RELCH: variants seen among roughly 807,000 people sequenced by gnomAD.
The protein encoded by RELCH is RAB11 binding and LisH domain, coiled-coil and HEAT repeat containing.
Under a neutral mutation model 150.3 loss-of-function variants are expected in RELCH, and 41 were observed. That is an observed-to-expected ratio of 0.27 (90% CI 0.21 to 0.35). RELCH has a LOEUF of 0.35. RELCH is among the 10% of genes least tolerant of loss of function. The pLI, the probability that RELCH is intolerant of heterozygous loss-of-function variation, is 1.00. For synonymous variants in RELCH, 478 were observed against 531.8 expected, an observed-to-expected ratio of 0.90 and a Z score of 1.39; for missense variants, 1,092 against 1,467.8, an observed-to-expected ratio of 0.74 and a Z score of 4.18.
intron 9 of RELCH, among the ~76,000 whole-genome samples, chr18:62,232,075 CT>C (rs1231723935): frequency 6.6e-6 from 1 of 151,914 alleles, no homozygotes; most frequent in Non-Finnish European, 1.5e-5. Context: ...ATTAGGCCTC[CT>C]TGGCTTCACC....
chr18:62,247,992 AT>A (rs2148515007), intron 11 of RELCH, among the ~76,000 whole-genome samples: 1 of 152,256 alleles, frequency 6.6e-6, no homozygotes, highest in East Asian at 1.9e-4. Flanking sequence ...CAAAATGTAA[AT>A]GTATATGTTC....
In RELCH at chr18:62,309,463, G is replaced by A. The variant is rs2045956584; in HGVS notation, c.*3929G>A. The A allele has an allele frequency of 6.6e-6, 1 of 152,068 alleles. No individual in the cohort carries two copies. Among genetic ancestry groups the A allele is most frequent in the South Asian group, 2.1e-4 (1 of 4,832 alleles). 9.4% of individuals were successfully genotyped at this position (152,068 alleles called of 1,614,324 possible). ...CCAAGTACAGGAAACTGTTTTGATTGTCTTTTTTGTGGTTTACTTTGCATG... is the reference window on the plus strand; with the variant it reads ...CCAAGTACAGGAAACTGTTTTGATTATCTTTTTTGTGGTTTACTTTGCATG... On this transcript the variant is annotated 3_prime_UTR_variant, in exon 29 of 29. Coordinates refer to ENST00000644646, the MANE Select transcript of RELCH (RefSeq NM_001346231.2).
At position 62,275,368 on chromosome 18, in the gene RELCH, T is replaced by C. The variant is rs981398891; in HGVS notation, c.2868-6T>C. 1.1e-5 allele frequency: 16 copies of C among 1,510,454 alleles called. No homozygotes were observed. The highest frequency in any genetic ancestry group is 1.8e-4 in the Middle Eastern group (1 of 5,668). 93.6% of individuals were successfully genotyped at this position (1,510,454 alleles called of 1,614,324 possible). A position where few individuals can be genotyped will look rare whatever the true frequency, so the allele number is the denominator to read the frequency against. On this transcript the variant is annotated splice_polypyrimidine_tract_variant and splice_region_variant and intron_variant, in intron 21 of 28. Transcript: ENST00000644646. ...TTTTAACACTGTTTTTTTTTTTTTC[T>C]TCTAGTGCAAACCCAGCCTACCATG...
chr18:62,250,633 TTGTGG>T (rs1470583172), intron 11 of RELCH, among the ~76,000 whole-genome samples: 3 of 152,126 alleles, frequency 2.0e-5, no homozygotes, highest in Non-Finnish European at 2.9e-5. Flanking sequence ...ACTACAAGGA[TTGTGG>T]TGAATTAGAA....
At position 62,217,254 on chromosome 18, in the gene RELCH, AAG is replaced by A. The variant is rs375838165; in HGVS notation, c.617-3780_617-3779del. On this transcript the variant is annotated intron_variant, in intron 2 of 28. Coordinates refer to ENST00000644646, the MANE Select transcript of RELCH (RefSeq NM_001346231.2). ...AAAAACAAAAGTGGGAAAAAAGAAA[AAG>A]AGTTTCATGGTTAGATAAGTTTAGA... 2.3e-3 allele frequency among the ~76,000 whole-genome samples: 346 copies of A among 152,076 alleles called. 4 individuals are homozygous for A. The highest frequency in any genetic ancestry group is 7.7e-3 in the African/African-American group (321 of 41,566).
At position 62,258,597 on chromosome 18, in the gene RELCH, C is replaced by T; in HGVS notation, c.2123C>T (p.Ala708Val). 1 of 1,604,198 alleles carries T rather than the reference C, an allele frequency of 6.2e-7. No homozygotes were observed. The highest frequency in any genetic ancestry group is 8.5e-7 in the Non-Finnish European group (1 of 1,176,796). ...CATCAAGTATTTTTACCAGCTTACG[C>T]TGCGTGGACTACAGAACTTGGAAAT... ...ATHQVFLPAY[A>V]AWTTELGNLQ... The change falls in exon 15 of 29, where the codon GCT becomes GTT. Residue 708 changes from alanine (A) to valine (V), a missense_variant. Ala to Val is a moderately conservative substitution (Grantham distance 64, BLOSUM62 0). Around this residue, in one of 4 missense-constraint regions of RELCH, gnomAD observed 707 missense variants for 1,025.4 expected, o/e 0.69. Transcript: ENST00000644646.
chr18:62,222,547 G>T (rs1213589747), intron 5 of RELCH, among the ~76,000 whole-genome samples: 1 of 151,912 alleles, frequency 6.6e-6, no homozygotes, highest in African/African-American at 2.4e-5. Flanking sequence ...TAATAAAATG[G>T]TTAGATTAAA....
intron 20 of RELCH, among the ~76,000 whole-genome samples, chr18:62,270,368 A>G (rs1425878548): frequency 3.0e-4 from 46 of 152,102 alleles, no homozygotes; most frequent in Non-Finnish European, 2.9e-5. Flanking sequence ...GTGGCCACCA[A>G]TGTAACAGGC....
In RELCH at chr18:62,308,173, G is replaced by C. The variant is rs924079738; in HGVS notation, c.*2639G>C. On this transcript the variant is annotated 3_prime_UTR_variant, in exon 29 of 29. Transcript: ENST00000644646. Reference sequence around the variant, plus strand: ...CAAATAGTCTCTCTTAAAATTTAGAGAGGTGAGATCAGGATGTATTGAATT... The same window carrying C: ...CAAATAGTCTCTCTTAAAATTTAGACAGGTGAGATCAGGATGTATTGAATT... The C allele has an allele frequency of 2.0e-5, 3 of 152,170 alleles. No individual in the cohort carries two copies. Among genetic ancestry groups the C allele is most frequent in the Non-Finnish European group, 2.9e-5 (2 of 68,028 alleles). The allele number at this position is 152,170 out of a possible 1,614,324, so 9.4% of individuals were successfully genotyped here. A position where few individuals can be genotyped will look rare whatever the true frequency, so the allele number is the denominator to read the frequency against.
chr18:62,211,338 G>C, intron 2 of RELCH, 96 bp downstream of exon 2: 1 of 722,118 alleles, frequency 1.4e-6, no homozygotes, highest in Non-Finnish European at 2.4e-6. Context: ...TTTGGTATGT[G>C]ACTATAACAT....
chr18:62,277,911 C>T (rs1297884176), intron 22 of RELCH: 18 of 900,180 alleles, frequency 2.0e-5, no homozygotes, highest in Non-Finnish European at 2.4e-5. Flanking sequence ...GAGCACAACT[C>T]AAAGAGGTCA....
At chr18:62,271,053 C>T (rs1199162627) in intron 20 of RELCH, among the ~76,000 whole-genome samples, 12 of 152,114 alleles carry the variant, frequency 7.9e-5, no homozygotes, top group Admixed American at 1.3e-4. Flanking sequence ...AATAAACATA[C>T]GTGTGCATGT....
intron 1 of RELCH, among the ~76,000 whole-genome samples, chr18:62,195,249 G>A (rs1281500238): frequency 6.6e-6 from 1 of 151,220 alleles, no homozygotes; most frequent in Non-Finnish European, 1.5e-5. Flanking sequence ...TCTTTTATAT[G>A]TAATATTATT....
chr18:62,208,873 T>G (rs1026611801), intron 1 of RELCH, among the ~76,000 whole-genome samples: 1 of 152,164 alleles, frequency 6.6e-6, no homozygotes, highest in African/African-American at 2.4e-5. Context: ...TCACAGTGGG[T>G]CTCACGTTGA....
rs746898527 is a variant in RELCH, at chr18:62,187,750, T to TG, written c.251dup (p.Thr85HisfsTer11). The TG allele has an allele frequency of 1.2e-6, 2 of 1,611,880 alleles. No individual in the cohort carries two copies. Among genetic ancestry groups the TG allele is most frequent in the Non-Finnish European group, 8.5e-7 (1 of 1,178,936 alleles). ...GAGGCGTCGGCGGCTGCAGTGGCCC[T>TG]GGGGGGCACCGGGGAGACCCCGGCC... On this transcript the variant is annotated frameshift_variant, in exon 1 of 29. Transcript: ENST00000644646. LOFTEE classifies it high-confidence loss of function.
Position 62,298,849 on chromosome 18 carries a change from A to G in RELCH, c.3519A>G (p.Gln1173=), listed in dbSNP as rs1375628249. Residue 1173 remains glutamine, a synonymous_variant, in exon 28 of 29, where the codon CAA becomes CAG. Coordinates refer to ENST00000644646, the MANE Select transcript of RELCH (RefSeq NM_001346231.2). ...CEQKVENKTV[Q]EPQGSMSIAA... ...AAAAAGTTGAAAACAAGACCGTCCA[A>G]GAGCCTCAAGGGTAAGACATTAATT... 1 of 1,573,176 alleles carries G rather than the reference A, an allele frequency of 6.4e-7. No homozygotes were observed. The highest frequency in any genetic ancestry group is 2.2e-5 in the East Asian group (1 of 44,566).
chr18:62,203,706 T>A (rs1285410840), intron 1 of RELCH, among the ~76,000 whole-genome samples: 3 of 152,078 alleles, frequency 2.0e-5, no homozygotes, highest in Non-Finnish European at 2.9e-5. Context: ...GCTTCATTTT[T>A]AAAAAACAAT....
intron 20 of RELCH, among the ~76,000 whole-genome samples, chr18:62,271,077 T>A (rs2043875167): frequency 6.6e-6 from 1 of 152,154 alleles, no homozygotes; most frequent in Admixed American, 6.5e-5. Flanking sequence ...TTTATAGTAG[T>A]ATGATTTATA....
At chr18:62,197,757 G>C (rs2039144375) in intron 1 of RELCH, among the ~76,000 whole-genome samples, 1 of 152,134 alleles carries the variant, frequency 6.6e-6, no homozygotes, top group Non-Finnish European at 1.5e-5. Context: ...TGATATGATT[G>C]GATTATACTA....
Sources: gnomAD v4.1 joint callset for allele counts (sites outside exome capture counted in the v4.1 genomes callset) on GRCh38, gnomAD v4.1.1 for gene constraint, gnomAD v4.1.1 regional missense constraint, MANE v1.5 for transcripts, NCBI Gene and HGNC (gene_info 2026-07-23, HGNC 2026-07-21) for gene names.